Variants in COLEC12 observed in about 807,000 individuals in gnomAD.
COLEC12 encodes the protein collectin-12.
A neutral mutation model predicts 71.1 loss-of-function variants in COLEC12; 33 were observed. The observed-to-expected ratio is 0.46, with a 90% CI of 0.35 to 0.62. The LOEUF (loss-of-function observed/expected upper bound fraction) is 0.62. Ranked by LOEUF, COLEC12 falls within the 20% of genes least tolerant of loss-of-function variation. COLEC12 has a pLI of 0.00. For synonymous variants in COLEC12, 350 were observed against 353.0 expected (o/e 0.99, Z 0.10); for missense variants, 765 against 916.1 (o/e 0.84, Z 2.13).
intron 2 of COLEC12, among the ~76,000 whole-genome samples, chr18:443,367 T>C (rs1916582390): frequency 6.6e-6 from 1 of 152,260 alleles, no homozygotes; most frequent in African/African-American, 2.4e-5. Context: ...AGGTCAAATC[T>C]GAAGGAAGCT....
At chr18:360,513 T>C (rs1914721542) in intron 2 of COLEC12, among the ~76,000 whole-genome samples, 1 of 150,496 alleles carries the variant, frequency 6.6e-6, no homozygotes, top group Non-Finnish European at 1.5e-5. Flanking sequence ...TTCTAAGAAG[T>C]TCCCAGGTGA....
chr18:417,817 C>T (rs188105355), intron 2 of COLEC12, among the ~76,000 whole-genome samples: 223 of 152,224 alleles, frequency 1.5e-3, no homozygotes, highest in Non-Finnish European at 2.0e-3. Flanking sequence ...TCCCTGGAGA[C>T]GGACAAAATT....
At chr18:320,144 T>G in intron 9 of COLEC12, 80 bp from the exon 10 acceptor site, 1 of 803,216 alleles carries the variant, frequency 1.2e-6, no homozygotes, top group Non-Finnish European at 2.1e-6. Flanking sequence ...AGGGAACGTG[T>G]ATTTTTATAG....
At chr18:396,186 G>A (rs115466076) in intron 2 of COLEC12, among the ~76,000 whole-genome samples, 11 of 152,286 alleles carry the variant, frequency 7.2e-5, no homozygotes, top group African/African-American at 2.2e-4. Context: ...TCCCAACACC[G>A]GTGTGTTTGG....
At chr18:424,576 A>C (rs1228162032) in intron 2 of COLEC12, among the ~76,000 whole-genome samples, 1 of 152,204 alleles carries the variant, frequency 6.6e-6, no homozygotes, top group East Asian at 1.9e-4. Flanking sequence ...CACTATGAAC[A>C]CTGAAATTCA....
At chr18:321,858 T>G in intron 8 of COLEC12, 51 bp from the exon 9 acceptor site, 1 of 1,551,130 alleles carries the variant, frequency 6.4e-7, no homozygotes, top group East Asian at 2.3e-5. Context: ...TGCAGAGCTT[T>G]TCTTTACTCA....
Position 500,637 on chromosome 18 carries a change from G to C in COLEC12, c.-123C>G. ...TAGCCGCGCCGCGCGCCGGCCGTCT[G>C]CGCCCCCGTCCTCCCTCGCCGCCGC... On this transcript the variant is annotated 5_prime_UTR_variant, in exon 1 of 10. Transcript: ENST00000400256. The surrounding 1 kb of genome is among the most constrained non-coding windows in gnomAD (Gnocchi z 5.3). 1 of 787,838 alleles carries C rather than the reference G, an allele frequency of 1.3e-6. No individual in the cohort carries two copies. The highest frequency in any genetic ancestry group is 1.6e-6 in the Non-Finnish European group (1 of 608,118). The allele number at this position is 787,838 out of a possible 1,614,324, so 48.8% of individuals were successfully genotyped here.
intron 2 of COLEC12, among the ~76,000 whole-genome samples, chr18:409,431 G>A (rs1337562687): frequency 6.6e-6 from 1 of 152,144 alleles, no homozygotes; most frequent in East Asian, 1.9e-4. Context: ...CTACTCGGGA[G>A]GCTGAGGCAG....
In COLEC12 at chr18:346,483, T is replaced by C; in HGVS notation, c.1139A>G (p.Asp380Gly). The change falls in exon 5 of 10, where the codon GAT (aspartate) becomes GGT (glycine). Residue 380 changes from aspartate to glycine, a missense_variant. Asp to Gly is a moderately conservative substitution (Grantham distance 94, BLOSUM62 -1). Transcript: ENST00000400256. The surrounding 1 kb of genome is among the most constrained non-coding windows in gnomAD (Gnocchi z 4.0). ...TCTDTLTKHT[D>G]DLTSLNNTLA... is the part of the protein sequence containing the mutation. ...GGTATTATTCAAGGAGGTCAGATCATCTGTGTGTTTGGTAAGGGTATCTGT... is the reference window on the plus strand; with the variant it reads ...GGTATTATTCAAGGAGGTCAGATCACCTGTGTGTTTGGTAAGGGTATCTGT... 1 of 1,614,164 alleles carries C rather than the reference T, an allele frequency of 6.2e-7. No homozygotes were observed. Among genetic ancestry groups the C allele is most frequent in the South Asian group, 1.1e-5 (1 of 91,080 alleles).
chr18:442,002 T>TCCAC (rs1221111408), intron 2 of COLEC12, among the ~76,000 whole-genome samples: 16 of 120,742 alleles, frequency 1.3e-4, no homozygotes, highest in Non-Finnish European at 2.3e-4. Flanking sequence ...TCTCTCTCTC[T>TCCAC]ACACACACAC....
At chr18:431,127 GGACT>G (rs67924884) in intron 2 of COLEC12, among the ~76,000 whole-genome samples, 35,912 of 151,400 alleles carry the variant, frequency 0.24, 4,603 homozygotes, top group African/African-American at 0.29. Flanking sequence ...CAAGTAGCTG[GGACT>G]GACTATAGGT....
intron 2 of COLEC12, among the ~76,000 whole-genome samples, chr18:477,394 C>T (rs1466433494): frequency 6.6e-6 from 1 of 152,156 alleles, no homozygotes; most frequent in African/African-American, 2.4e-5. Flanking sequence ...CTTCTGTAGT[C>T]TAAATTCGGG....
chr18:457,009 T>C (rs900294317), intron 2 of COLEC12, among the ~76,000 whole-genome samples: 19 of 152,220 alleles, frequency 1.2e-4, no homozygotes, highest in African/African-American at 4.3e-4. Context: ...TTCCGCAGCA[T>C]TTTCACGGCA....
chr18:413,511 G>A (rs1183759139), intron 2 of COLEC12, among the ~76,000 whole-genome samples: 1 of 152,112 alleles, frequency 6.6e-6, no homozygotes, highest in East Asian at 1.9e-4. Flanking sequence ...TTATTCTAGA[G>A]AAGGATGATT....
At chr18:460,461 C>A (rs1916960337) in intron 2 of COLEC12, among the ~76,000 whole-genome samples, 1 of 152,140 alleles carries the variant, frequency 6.6e-6, no homozygotes, top group South Asian at 2.1e-4. Flanking sequence ...ATTATGTTAC[C>A]TGAGTATGCT....
intron 2 of COLEC12, among the ~76,000 whole-genome samples, chr18:407,250 G>C (rs975509237): frequency 6.6e-6 from 1 of 152,222 alleles, no homozygotes; most frequent in African/African-American, 2.4e-5. Context: ...AAAGTGCCTA[G>C]AGGTCTTAGT....
intron 2 of COLEC12, among the ~76,000 whole-genome samples, chr18:393,999 G>A (rs968748699): frequency 9.2e-5 from 14 of 152,154 alleles, no homozygotes; most frequent in South Asian, 4.2e-4. Flanking sequence ...TGGAGGTCCC[G>A]GGTGCAGGTG....
intron 2 of COLEC12, among the ~76,000 whole-genome samples, chr18:473,231 G>C (rs1331701940): frequency 6.6e-6 from 1 of 152,068 alleles, no homozygotes; most frequent in Non-Finnish European, 1.5e-5. Flanking sequence ...AAGGGCCCCA[G>C]GGAGAACGTG....
intron 9 of COLEC12, among the ~76,000 whole-genome samples, chr18:320,640 A>C (rs530026581): frequency 6.6e-6 from 1 of 152,390 alleles, no homozygotes; most frequent in African/African-American, 2.4e-5. Flanking sequence ...CATATAATTC[A>C]GTGGTCTTTG....
Sources: gnomAD v4.1 joint callset for allele counts (sites outside exome capture counted in the v4.1 genomes callset) on GRCh38, gnomAD v4.1.1 for gene constraint, Gnocchi (gnomAD v3.1) non-coding constraint, MANE v1.5 for transcripts, NCBI Gene and HGNC (gene_info 2026-07-23, HGNC 2026-07-21) for gene names.